Variants in NRXN3 observed in about 807,000 individuals in gnomAD.
NRXN3 encodes the protein neurexin III.
A neutral mutation model predicts 137.6 loss-of-function variants in NRXN3; 32 were observed. That is an observed-to-expected ratio of 0.23 (90% CI 0.18 to 0.31). The LOEUF is 0.31. Among genes scored for constraint, NRXN3 ranks in the 10% least tolerant of loss-of-function variants. NRXN3 has a pLI of 1.00. For synonymous variants in NRXN3, 798 were observed against 784.5 expected, an observed-to-expected ratio of 1.02 and a Z score of -0.29; for missense variants, 1,574 against 2,062.5, an observed-to-expected ratio of 0.76 and a Z score of 4.59.
chr14:78,388,664 T>A (rs778931782), intron 4 of NRXN3, among the ~76,000 whole-genome samples: 1 of 152,148 alleles, frequency 6.6e-6, no homozygotes, highest in Non-Finnish European at 1.5e-5. Flanking sequence ...CTGCAAAGCC[T>A]TAAATATTTA....
chr14:79,058,156 T>C (rs1368716719), intron 15 of NRXN3, among the ~76,000 whole-genome samples: 1 of 151,648 alleles, frequency 6.6e-6, no homozygotes, highest in African/African-American at 2.4e-5. Flanking sequence ...AAAAAAAAAG[T>C]TTGGAGGAGC....
At chr14:79,090,966 T>C (rs2049049268) in intron 15 of NRXN3, among the ~76,000 whole-genome samples, 1 of 151,842 alleles carries the variant, frequency 6.6e-6, no homozygotes. Context: ...ACACAAACCA[T>C]GTGGCCAAGA....
chr14:79,652,582 G>A (rs1434761593), intron 16 of NRXN3, among the ~76,000 whole-genome samples: 1 of 152,094 alleles, frequency 6.6e-6, no homozygotes, highest in Non-Finnish European at 1.5e-5. Context: ...TAGGAGATGT[G>A]TTCTCTAATT....
At chr14:79,464,306 CA>C (rs2096393143) in intron 15 of NRXN3, among the ~76,000 whole-genome samples, 2 of 152,086 alleles carry the variant, frequency 1.3e-5, no homozygotes. Context: ...AATCATCTAA[CA>C]TAGTGACATC....
At chr14:79,413,594 TG>T (rs1244757635) in intron 15 of NRXN3, among the ~76,000 whole-genome samples, 1 of 152,136 alleles carries the variant, frequency 6.6e-6, no homozygotes, top group Non-Finnish European at 1.5e-5. Context: ...TGGCCTGCTA[TG>T]GTACAGACTG....
In NRXN3 at chr14:78,259,960, C is replaced by T. The variant is rs535319520; in HGVS notation, c.709+16158C>T. Among the ~76,000 whole-genome samples, 15 of 152,276 alleles carry T rather than the reference C, an allele frequency of 9.9e-5. No individual in the cohort carries two copies. The South Asian group carries it at 3.1e-3, about 32-fold the overall frequency. ...AGAGACTGAGGTGTTAGGGGCCCAG[C>T]TGGTATGCGATGGGAACCAAGAAAT... On this transcript the variant is annotated intron_variant, in intron 2 of 20. Transcript: ENST00000335750.
chr14:79,433,109 T>G lies in NRXN3; in HGVS notation c.3263-34112T>G, dbSNP rs80168213. Among the ~76,000 whole-genome samples, 1,120 of 152,296 alleles carry G rather than the reference T, an allele frequency of 7.4e-3. 4 individuals are homozygous for G. Among genetic ancestry groups the G allele is most frequent in the Non-Finnish European group, 0.012 (844 of 68,020 alleles). On this transcript the variant is annotated intron_variant, in intron 15 of 20. Transcript: ENST00000335750. ...AGTGCAGTAAATGAAAGAGGTTGGA[T>G]CCATTGTGCTTCATAATTCAGAGGG...
intron 15 of NRXN3, among the ~76,000 whole-genome samples, chr14:79,042,369 T>G (rs1275476010): frequency 2.0e-5 from 3 of 152,206 alleles, no homozygotes; most frequent in Non-Finnish European, 2.9e-5. Context: ...ATTGCATTTA[T>G]TGGATGAATA....
At chr14:78,342,815 G>A (rs1157782860) in intron 4 of NRXN3, among the ~76,000 whole-genome samples, 1 of 152,098 alleles carries the variant, frequency 6.6e-6, no homozygotes, top group Non-Finnish European at 1.5e-5. Flanking sequence ...ATGTGTTTTT[G>A]ATAGGATATT....
At chr14:79,562,027 T>C (rs1278065985) in intron 16 of NRXN3, among the ~76,000 whole-genome samples, 1 of 151,992 alleles carries the variant, frequency 6.6e-6, no homozygotes. Flanking sequence ...AAAAGTAGTC[T>C]AAGTGAGTCA....
chr14:78,968,204 C>A lies in NRXN3; in HGVS notation c.3000C>A (p.Gly1000=). The change falls in exon 14 of 21, where the codon GGC becomes GGA. Residue 1000 remains glycine (G), a synonymous_variant. Coordinates refer to ENST00000335750, the MANE Select transcript of NRXN3 (RefSeq NM_001330195.2). The part of the protein sequence containing the change: ...GDLYMAGLAQ[G]MYSNLPKLVA... ...TCTATATGGCTGGTCTGGCCCAAGGCATGTACAGCAACCTCCCAAAGCTCG... is the reference window on the plus strand; with the variant it reads ...TCTATATGGCTGGTCTGGCCCAAGGAATGTACAGCAACCTCCCAAAGCTCG... The A allele has an allele frequency of 1.2e-6, 2 of 1,613,890 alleles. No homozygotes were observed. Among genetic ancestry groups the A allele is most frequent in the Middle Eastern group, 3.3e-4 (2 of 6,062 alleles).
intron 1 of NRXN3, among the ~76,000 whole-genome samples, chr14:78,183,934 G>T (rs1469851260): frequency 1.3e-5 from 2 of 152,220 alleles, no homozygotes; most frequent in Admixed American, 6.5e-5. Context: ...GTTGCCTCGT[G>T]TGTGGGTTGT....
chr14:79,596,867 T>C (rs1450291566), intron 16 of NRXN3, among the ~76,000 whole-genome samples: 2 of 152,132 alleles, frequency 1.3e-5, no homozygotes, highest in Non-Finnish European at 2.9e-5. Context: ...AGGGGAACTT[T>C]AGAATGGTGG....
intron 15 of NRXN3, among the ~76,000 whole-genome samples, chr14:79,073,054 T>G (rs1342947812): frequency 6.6e-6 from 1 of 152,052 alleles, no homozygotes; most frequent in Non-Finnish European, 1.5e-5. Flanking sequence ...GCCTGGCTAA[T>G]TTTTGTATTT....
chr14:78,379,133 A>AC (rs1376194426), intron 4 of NRXN3, among the ~76,000 whole-genome samples: 1 of 152,116 alleles, frequency 6.6e-6, no homozygotes, highest in Non-Finnish European at 1.5e-5. Flanking sequence ...TAATTTAAAA[A>AC]CTCCCACAAA....
chr14:79,741,980 GCTTCTGT>G (rs1287003678), intron 19 of NRXN3, among the ~76,000 whole-genome samples: 1 of 152,068 alleles, frequency 6.6e-6, no homozygotes, highest in African/African-American at 2.4e-5. Context: ...CAGTTCACAG[GCTTCTGT>G]CTTCTAACAA....
chr14:79,548,411 G>C (rs111632156), intron 16 of NRXN3, among the ~76,000 whole-genome samples: 8,652 of 152,096 alleles, frequency 0.057, 262 homozygotes, highest in East Asian at 0.081. Flanking sequence ...GTGTATATGT[G>C]CCACATTTTC....
chr14:79,349,532 C>A (rs1458398302), intron 15 of NRXN3, among the ~76,000 whole-genome samples: 14 of 137,820 alleles, frequency 1.0e-4, no homozygotes. Flanking sequence ...CCGTCCTCCC[C>A]GGGAAAAAAA....
chr14:78,848,424 C>G (rs2099033545), intron 10 of NRXN3, among the ~76,000 whole-genome samples: 1 of 152,118 alleles, frequency 6.6e-6, no homozygotes, highest in South Asian at 2.1e-4. Flanking sequence ...GAAAGGAAAG[C>G]AAGCCCTCTG....
Sources: allele counts gnomAD v4.1 joint callset (sites outside exome capture counted in the v4.1 genomes callset), GRCh38; gene constraint gnomAD v4.1.1; transcripts MANE v1.5; gene names NCBI Gene and HGNC (gene_info 2026-07-23, HGNC 2026-07-21).